SYNE2: variants seen among roughly 807,000 people sequenced by gnomAD.
SYNE2 encodes the protein nesprin-2.
SYNE2 carries 431 observed loss-of-function variants against 856.3 expected under a neutral mutation model. The ratio of observed to expected loss-of-function variants is 0.50; its 90% confidence interval spans 0.47 to 0.55. The LOEUF is 0.55. Ranked by LOEUF, SYNE2 falls within the 20% of genes least tolerant of loss-of-function variation. The pLI is 0.00. For synonymous variants in SYNE2, 2,923 were observed against 2,872.3 expected, an observed-to-expected ratio of 1.02 and a Z score of -0.56; for missense variants, 8,129 against 8,023.2, an observed-to-expected ratio of 1.01 and a Z score of -0.50.
intron 94 of SYNE2, among the ~76,000 whole-genome samples, chr14:64,172,464 G>T (rs1037079678): frequency 6.6e-6 from 1 of 152,186 alleles, no homozygotes; most frequent in African/African-American, 2.4e-5. Context: ...GTGTTACCAC[G>T]TGAGGGCTTC....
chr14:63,913,937 G>A (rs1463045153), intron 2 of SYNE2, among the ~76,000 whole-genome samples: 6 of 146,832 alleles, frequency 4.1e-5, no homozygotes, highest in Admixed American at 2.7e-4. Context: ...TCCTGGCCTC[G>A]AGCTATCCTC....
intron 66 of SYNE2, among the ~76,000 whole-genome samples, chr14:64,114,784 C>T (rs1304546173): frequency 6.6e-6 from 1 of 151,838 alleles, no homozygotes; most frequent in Non-Finnish European, 1.5e-5. Context: ...CACCCGGCTA[C>T]TTTTTGTATT....
At chr14:63,933,107 G>A (rs1395267132) in intron 2 of SYNE2, among the ~76,000 whole-genome samples, 1 of 152,198 alleles carries the variant, frequency 6.6e-6, no homozygotes, top group Non-Finnish European at 1.5e-5. Flanking sequence ...ATCATAGGAG[G>A]AGAAGAAGAG....
At chr14:64,007,336 A>G (rs534139672) in intron 31 of SYNE2, 114 bp downstream of exon 31, 9 of 989,312 alleles carry the variant, frequency 9.1e-6, no homozygotes, top group Admixed American at 9.0e-5. Flanking sequence ...AGGGACAAAC[A>G]TAAGGATTTC....
At chr14:63,934,147 T>G (rs768630158) in intron 2 of SYNE2, among the ~76,000 whole-genome samples, 23 of 152,226 alleles carry the variant, frequency 1.5e-4, no homozygotes, top group Non-Finnish European at 2.9e-4. Flanking sequence ...ATTCTCTAAG[T>G]TCGGACAATG....
chr14:63,978,708 AAAAG>A, intron 13 of SYNE2, 140 bp from the exon 14 acceptor site: 1 of 653,888 alleles, frequency 1.5e-6, no homozygotes, highest in Non-Finnish European at 2.6e-6. Context: ...CAATGTTTAA[AAAAG>A]AAAAAGACAA....
At position 64,049,824 on chromosome 14, in the gene SYNE2, G is replaced by A; in HGVS notation, c.7591G>A (p.Ala2531Thr). ...VLRDFQEYLAAVESSMKALLT... is the reference protein window; with the variant it reads ...VLRDFQEYLATVESSMKALLT... Reference sequence around the variant, plus strand: ...CAGAGATTTTCAGGAATACCTTGCTGCAGTTGAATCTTCAATGAAAGCCTT... The same window carrying A: ...CAGAGATTTTCAGGAATACCTTGCTACAGTTGAATCTTCAATGAAAGCCTT... The change falls in exon 47 of 116, where the codon GCA (alanine) becomes ACA (threonine). Residue 2531 changes from alanine to threonine, a missense_variant. Ala to Thr is a moderately conservative substitution (Grantham distance 58, BLOSUM62 0). This residue lies in a region of SYNE2 where 5,410 missense variants were observed against 5,284.8 expected (regional missense o/e 1.02). Transcript: ENST00000555002. 6.2e-7 allele frequency: 1 copy of A among 1,614,134 alleles called. No homozygotes were observed. The highest frequency in any genetic ancestry group is 2.2e-5 in the East Asian group (1 of 44,872).
At chr14:63,974,842 GTGTGTGTACA>G (rs1312009161) in intron 11 of SYNE2, among the ~76,000 whole-genome samples, 1 of 127,826 alleles carries the variant, frequency 7.8e-6, no homozygotes, top group South Asian at 2.7e-4. Context: ...AGACGTGTGT[GTGTGTGTACA>G]TGTGTGTGTG....
At position 63,999,727 on chromosome 14, in the gene SYNE2, T is replaced by G. The variant is rs551021189; in HGVS notation, c.3480+687T>G. Among the ~76,000 whole-genome samples, 90 of 152,298 alleles carry G rather than the reference T, an allele frequency of 5.9e-4. 1 individual carries two copies. In the South Asian group the frequency reaches 0.018, roughly 31 times the overall value. On this transcript the variant is annotated intron_variant, in intron 27 of 115. Transcript: ENST00000555002. ...CATCATTCTTGATGCACGCCCTGAG[T>G]GCATTAGAGGGAACCCTCACAGATG...
intron 101 of SYNE2, chr14:64,209,167 G>A (rs562895141): frequency 7.4e-5 from 60 of 814,700 alleles, no homozygotes; most frequent in East Asian, 1.9e-4. Context: ...TGGACTGGCC[G>A]CTGTGCTTCC....
intron 1 of SYNE2, among the ~76,000 whole-genome samples, chr14:63,803,055 C>T (rs1888214201): frequency 6.6e-6 from 1 of 152,156 alleles, no homozygotes; most frequent in African/African-American, 2.4e-5. Context: ...TGCTTTTATT[C>T]TCTTATCTGG....
intron 2 of SYNE2, among the ~76,000 whole-genome samples, chr14:63,932,615 G>T (rs1441992321): frequency 6.6e-6 from 1 of 152,102 alleles, no homozygotes; most frequent in African/African-American, 2.4e-5. Flanking sequence ...GAGATGGGAG[G>T]ATCACTTGAG....
intron 58 of SYNE2, among the ~76,000 whole-genome samples, chr14:64,089,237 G>T (rs947646881): frequency 6.6e-6 from 1 of 151,664 alleles, no homozygotes; most frequent in Non-Finnish European, 1.5e-5. Context: ...ATGGTGGCAC[G>T]TGCCTGTAAT....
intron 34 of SYNE2, 40 bp downstream of exon 34, chr14:64,017,796 A>T: frequency 6.2e-7 from 1 of 1,600,542 alleles, no homozygotes; most frequent in Non-Finnish European, 8.6e-7. Flanking sequence ...CTTGGTACAC[A>T]ATTGACATTT....
intron 17 of SYNE2, among the ~76,000 whole-genome samples, 172 bp downstream of exon 17, chr14:63,982,966 C>T (rs943235611): frequency 1.2e-4 from 19 of 152,096 alleles, no homozygotes; most frequent in African/African-American, 4.3e-4. Context: ...CTAGCAGTCA[C>T]TCCCTATTTT....
chr14:63,872,694 A>G (rs748261171), intron 1 of SYNE2, among the ~76,000 whole-genome samples: 3 of 144,024 alleles, frequency 2.1e-5, no homozygotes, highest in East Asian at 2.1e-4. Flanking sequence ...ACCGGGAGGC[A>G]GAGGCTGCAG....
chr14:64,078,558 G>C lies in SYNE2; in HGVS notation c.11115G>C (p.Met3705Ile). The C allele has an allele frequency of 2.5e-6, 4 of 1,614,144 alleles. No individual in the cohort carries two copies. The highest frequency in any genetic ancestry group is 3.4e-6 in the Non-Finnish European group (4 of 1,180,010). Residue 3705 changes from methionine (M) to isoleucine (I), a missense_variant, in exon 55 of 116, where the codon ATG becomes ATC. This residue lies in a region of SYNE2 where 5,410 missense variants were observed against 5,284.8 expected (regional missense o/e 1.02). Coordinates refer to ENST00000555002, the MANE Select transcript of SYNE2 (RefSeq NM_182914.3). ...ATGGGCTTCATAATGTTGAAAAGATGTTGCAGCAGAAAAGCAAAAATATTG... is the reference window on the plus strand; with the variant it reads ...ATGGGCTTCATAATGTTGAAAAGATCTTGCAGCAGAAAAGCAAAAATATTG... ...INNGLHNVEK[M>I]LQQKSKNIEK...
Position 64,097,995 on chromosome 14 carries a change from G to C in SYNE2, c.12155G>C (p.Arg4052Thr), listed in dbSNP as rs1351003735. 3 of 1,614,100 alleles carry C rather than the reference G, an allele frequency of 1.9e-6. No homozygotes were observed. The Admixed American group carries it at 5.0e-5, about 27-fold the overall frequency. ...AAACAGATTCTGAGTTTGAACCAGA[G>C]AAAAGAAGACCTGTTGGTGGACTTG... ...MEKQILSLNQ[R>T]KEDLLVDLKA... Residue 4052 changes from arginine to threonine, a missense_variant, in exon 62 of 116, where the codon AGA (arginine) becomes ACA (threonine). By Grantham distance (71) the Arg-to-Thr change is moderately conservative. Around this residue, in one of 3 missense-constraint regions of SYNE2, gnomAD observed 5,410 missense variants for 5,284.8 expected, o/e 1.02. Transcript: ENST00000555002.
At chr14:63,773,388 C>G (rs1886993353) in intron 1 of SYNE2, among the ~76,000 whole-genome samples, 1 of 151,282 alleles carries the variant, frequency 6.6e-6, no homozygotes, top group Non-Finnish European at 1.5e-5. Flanking sequence ...TTTGTAGAGA[C>G]AGGGGTCTTC....
Sources: allele counts gnomAD v4.1 joint callset (sites outside exome capture counted in the v4.1 genomes callset), GRCh38; gene constraint gnomAD v4.1.1; regional missense constraint gnomAD v4.1.1; transcripts MANE v1.5; gene names NCBI Gene and HGNC (gene_info 2026-07-23, HGNC 2026-07-21).